The following SAMTOR variants were observed in gnomAD, a reference collection of about 807,000 sequenced individuals.
SAMTOR encodes the protein S-adenosylmethionine sensor upstream of mTORC1.
At chr7:112,895,546 C>A in the SAMTOR span, 1 of 1,486,336 alleles carries the variant, frequency 6.7e-7, no homozygotes, top group South Asian at 1.3e-5. Context: ...CCAGGATAAT[C>A]AAAGTAGAAA....
chr7:112,848,976 G>A, the SAMTOR span, among the ~76,000 whole-genome samples: 2 of 151,508 alleles, frequency 1.3e-5, no homozygotes, highest in African/African-American at 4.9e-5. Flanking sequence ...TTTAACCCGG[G>A]AGGCAGAGGT....
the SAMTOR span, among the ~76,000 whole-genome samples, chr7:112,837,846 T>A: frequency 6.6e-6 from 1 of 151,972 alleles, no homozygotes; most frequent in African/African-American, 2.4e-5. Context: ...AATTTATATG[T>A]TTCTGTTTAA....
At chr7:112,847,796 T>G in the SAMTOR span, among the ~76,000 whole-genome samples, 1 of 150,320 alleles carries the variant, frequency 6.7e-6, no homozygotes, top group African/African-American at 2.5e-5. Flanking sequence ...AAGAAAATAT[T>G]ACAACTACAA....
the SAMTOR span, among the ~76,000 whole-genome samples, chr7:112,917,113 C>T: frequency 7.9e-5 from 12 of 152,240 alleles, no homozygotes; most frequent in East Asian, 5.8e-4. Context: ...TCTCCCAGCA[C>T]GCAGCTGGAG....
the SAMTOR span, among the ~76,000 whole-genome samples, chr7:112,937,248 A>C: frequency 1.3e-5 from 2 of 152,026 alleles, no homozygotes; most frequent in Admixed American, 1.3e-4. Flanking sequence ...CTAGTCTAAA[A>C]CTCCAAGATC....
the SAMTOR span, among the ~76,000 whole-genome samples, chr7:112,853,153 T>C: frequency 6.6e-6 from 1 of 152,162 alleles, no homozygotes; most frequent in Admixed American, 6.5e-5. Flanking sequence ...AAATTTTCAC[T>C]TCTGATTCTT....
chr7:112,934,604 A>G, the SAMTOR span, among the ~76,000 whole-genome samples: 1 of 152,192 alleles, frequency 6.6e-6, no homozygotes, highest in African/African-American at 2.4e-5. Flanking sequence ...GGTTAGTATA[A>G]AAGCCTCCTT....
the SAMTOR span, among the ~76,000 whole-genome samples, chr7:112,842,757 ATG>A: frequency 6.6e-6 from 1 of 152,096 alleles, no homozygotes; most frequent in East Asian, 1.9e-4. Flanking sequence ...TTACATGAAT[ATG>A]TTAAGTATGC....
the SAMTOR span, among the ~76,000 whole-genome samples, chr7:112,904,213 T>C: frequency 4.6e-5 from 7 of 152,116 alleles, no homozygotes; most frequent in Non-Finnish European, 8.8e-5. Flanking sequence ...TGCTAGAAGA[T>C]GAACTCTGCA....
At chr7:112,900,564 T>G in the SAMTOR span, among the ~76,000 whole-genome samples, 1 of 152,302 alleles carries the variant, frequency 6.6e-6, no homozygotes, top group Non-Finnish European at 1.5e-5. Flanking sequence ...TATTCCATAA[T>G]ACCTAAAATT....
the SAMTOR span, among the ~76,000 whole-genome samples, chr7:112,910,110 TTGAC>T: frequency 7.2e-5 from 11 of 151,912 alleles, no homozygotes; most frequent in Non-Finnish European, 1.6e-4. Flanking sequence ...GAAGTAAACT[TTGAC>T]TGGGCTCCTG....
chr7:112,848,598 T>A, the SAMTOR span, among the ~76,000 whole-genome samples: 1 of 152,166 alleles, frequency 6.6e-6, no homozygotes, highest in East Asian at 1.9e-4. Context: ...TTTCCCAGGA[T>A]CAAATGGAGG....
At chr7:112,901,210 T>C in the SAMTOR span, among the ~76,000 whole-genome samples, 1 of 152,196 alleles carries the variant, frequency 6.6e-6, no homozygotes, top group South Asian at 2.1e-4. Flanking sequence ...AGGAGGTAAG[T>C]GGCAGGTGAG....
At chr7:112,926,205 G>A in the SAMTOR span, among the ~76,000 whole-genome samples, 1 of 152,166 alleles carries the variant, frequency 6.6e-6, no homozygotes, top group Non-Finnish European at 1.5e-5. Flanking sequence ...AGCTCAAAGT[G>A]TCTATCTACC....
At chr7:112,881,923 C>T in the SAMTOR span, among the ~76,000 whole-genome samples, 5 of 152,184 alleles carry the variant, frequency 3.3e-5, no homozygotes, top group South Asian at 4.1e-4. Flanking sequence ...TGACACATTG[C>T]GGGCAACAAG....
At chr7:112,853,399 A>C in the SAMTOR span, among the ~76,000 whole-genome samples, 9 of 152,064 alleles carry the variant, frequency 5.9e-5, no homozygotes, top group Non-Finnish European at 1.0e-4. Context: ...AACAGAGTTC[A>C]AGATCGTATT....
chr7:112,849,308 T>G, the SAMTOR span, among the ~76,000 whole-genome samples: 4 of 152,148 alleles, frequency 2.6e-5, no homozygotes, highest in Admixed American at 6.5e-5. Flanking sequence ...TTCACAGAAA[T>G]AGAAAATAGT....
At chr7:112,826,220 G>C in the SAMTOR span, among the ~76,000 whole-genome samples, 1 of 152,006 alleles carries the variant, frequency 6.6e-6, no homozygotes, top group Non-Finnish European at 1.5e-5. Flanking sequence ...TCAATTTTAT[G>C]GAAGAGAATA....
the SAMTOR span, chr7:112,821,889 T>C: frequency 1.1e-5 from 17 of 1,613,370 alleles, no homozygotes; most frequent in South Asian, 2.2e-5. Flanking sequence ...TGATCGAACA[T>C]AGCAGGAAGG....
Sources: allele counts gnomAD v4.1 joint callset (sites outside exome capture counted in the v4.1 genomes callset), GRCh38; gene constraint gnomAD v4.1.1; transcripts MANE v1.5; gene names NCBI Gene and HGNC (gene_info 2026-07-23, HGNC 2026-07-21).